POLR3H: variants seen among roughly 807,000 people sequenced by gnomAD.
POLR3H encodes the protein DNA-directed RNA polymerase III subunit RPC8.
POLR3H carries 17 observed loss-of-function variants against 25.5 expected under a neutral mutation model. The observed-to-expected ratio is 0.67, with a 90% CI of 0.46 to 1.00. The LOEUF is 1.00. Ranked by LOEUF, POLR3H falls within the 50% of genes least tolerant of loss-of-function variation. The probability of loss-of-function intolerance (pLI) is 0.00; values close to 1 mark genes in which losing one functional copy is unlikely to be tolerated. For synonymous variants in POLR3H, 129 were observed against 103.0 expected, an observed-to-expected ratio of 1.25 and a Z score of -1.53; for missense variants, 274 against 265.0, an observed-to-expected ratio of 1.03 and a Z score of -0.24.
At chr22:41,529,849 G>A (rs1276312289) in intron 5 of POLR3H, among the ~76,000 whole-genome samples, 4 of 150,960 alleles carry the variant, frequency 2.6e-5, no homozygotes, top group African/African-American at 7.3e-5. Context: ...TCCACCTCCC[G>A]GGTTCACACC....
At chr22:41,536,682 A>G (rs2066853538) in intron 2 of POLR3H, among the ~76,000 whole-genome samples, 1 of 151,654 alleles carries the variant, frequency 6.6e-6, no homozygotes, top group Admixed American at 6.6e-5. Flanking sequence ...TCTGGCCAAC[A>G]TGGCAAAACC....
At position 41,526,997 on chromosome 22, in the gene POLR3H, C is replaced by A. The variant is rs2066612627; in HGVS notation, c.*2286G>T. ...GGCCCGGAGGCCGTCCCTGTCTCAC[C>A]CAACCTCCCTCCACACACACCTGCC... On this transcript the variant is annotated 3_prime_UTR_variant, in exon 6 of 6. Transcript: ENST00000355209. 1 of 499,126 alleles carries A rather than the reference C, an allele frequency of 2.0e-6. No homozygotes were observed. The highest frequency in any genetic ancestry group is 3.6e-6 in the Non-Finnish European group (1 of 279,158). 30.9% of individuals were successfully genotyped at this position (499,126 alleles called of 1,614,324 possible). A position where few individuals can be genotyped will look rare whatever the true frequency, so the allele number is the denominator to read the frequency against.
At chr22:41,543,738 GGTCA>G (rs1569039356) in intron 1 of POLR3H, 7 of 650,274 alleles carry the variant, frequency 1.1e-5, no homozygotes, top group Non-Finnish European at 2.0e-5. Flanking sequence ...GCCCAGAAGG[GGTCA>G]GTAACTTGCC....
intron 3 of POLR3H, 175 bp downstream of exon 3, chr22:41,532,484 T>C: frequency 8.5e-7 from 1 of 1,181,984 alleles, no homozygotes; most frequent in Non-Finnish European, 1.2e-6. Context: ...GAAACCGCAC[T>C]GCTGATGGAG....
Position 41,527,419 on chromosome 22 carries a change from C to T in POLR3H, c.*1864G>A, listed in dbSNP as rs748105763. ...TCACCAAGAGCTTTGCCAGGATCCA[C>T]GGTGAGCTGGAGTCTGTACCCAGGC... On this transcript the variant is annotated 3_prime_UTR_variant, in exon 6 of 6. Coordinates refer to ENST00000355209, the MANE Select transcript of POLR3H (RefSeq NM_001018050.4). 8.9e-5 allele frequency: 144 copies of T among 1,609,470 alleles called. No individual in the cohort carries two copies. The highest frequency in any genetic ancestry group is 1.0e-4 in the Non-Finnish European group (118 of 1,178,438).
chr22:41,528,695 G>C lies in POLR3H; in HGVS notation c.*588C>G, dbSNP rs2066658183. On this transcript the variant is annotated 3_prime_UTR_variant, in exon 6 of 6. Transcript: ENST00000355209. ...AGTGGATCCGATCCGTCCAGCCATG[G>C]CTTCCTATTCCAAGATGGTGTGACC... 6.5e-7 allele frequency: 1 copy of C among 1,539,156 alleles called. No individual in the cohort carries two copies. The highest frequency in any genetic ancestry group is 8.7e-7 in the Non-Finnish European group (1 of 1,144,258).
rs942285984 is a variant in POLR3H, at chr22:41,528,683, C to A, written c.*600G>T. 128 of 1,568,554 alleles carry A rather than the reference C, an allele frequency of 8.2e-5. No homozygotes were observed. The highest frequency in any genetic ancestry group is 1.1e-4 in the Non-Finnish European group (127 of 1,159,670). On this transcript the variant is annotated 3_prime_UTR_variant, in exon 6 of 6. Transcript: ENST00000355209. ...ACGTGTGCCATCAGTGGATCCGATC[C>A]GTCCAGCCATGGCTTCCTATTCCAA...
At position 41,530,828 on chromosome 22, in the gene POLR3H, G is replaced by C; in HGVS notation, c.420C>G (p.Leu140=). ...GGATCTCCTCGCCGGTGTCCATGTA[G>C]AGGTCGTGTGCTCCTTCCTCCGTCT... ...EYETEEGAHD[L]YMDTGEEIRF... Residue 140 remains leucine, a synonymous_variant, in exon 5 of 6, where the codon CTC becomes CTG. Transcript: ENST00000355209. 1 of 1,614,078 alleles carries C rather than the reference G, an allele frequency of 6.2e-7. No individual in the cohort carries two copies.
chr22:41,530,903 G>A lies in POLR3H; in HGVS notation c.360-15C>T, dbSNP rs764982682. 1 of 1,613,014 alleles carries A rather than the reference G, an allele frequency of 6.2e-7. No individual in the cohort carries two copies. The highest frequency in any genetic ancestry group is 8.5e-7 in the Non-Finnish European group (1 of 1,179,748). ...CCGCTTCGTCGCTGAGGGGGTCCAG[G>A]GTCAAGGCAGCAACCAGATAGTGGG... is the stretch of plus-strand genomic sequence containing the variant. On this transcript the variant is annotated splice_polypyrimidine_tract_variant and intron_variant, in intron 4 of 5. Transcript: ENST00000355209.
In POLR3H at chr22:41,528,097, G is replaced by A. The variant is rs551215620; in HGVS notation, c.*1186C>T. The stretch of plus-strand genomic sequence containing the variant: ...TGTTTCCCCTCCTGCACTGGCCCCA[G>A]GGTAGCTTCTCCCAGGAGGCTTCAT... On this transcript the variant is annotated 3_prime_UTR_variant, in exon 6 of 6. Coordinates refer to ENST00000355209, the MANE Select transcript of POLR3H (RefSeq NM_001018050.4). 6.5e-5 allele frequency: 104 copies of A among 1,595,960 alleles called. No homozygotes were observed. The East Asian group carries it at 2.1e-3, about 33-fold the overall frequency.
Position 41,528,798 on chromosome 22 carries a change from GCC to G in POLR3H, c.*483_*484del. 1 of 778,548 alleles carries G rather than the reference GCC, an allele frequency of 1.3e-6. No homozygotes were observed. Among genetic ancestry groups the G allele is most frequent in the African/African-American group, 1.8e-5 (1 of 56,600 alleles). The allele number at this position is 778,548 out of a possible 1,614,324, so 48.2% of individuals were successfully genotyped here. On this transcript the variant is annotated 3_prime_UTR_variant, in exon 6 of 6. Coordinates refer to ENST00000355209, the MANE Select transcript of POLR3H (RefSeq NM_001018050.4). The stretch of plus-strand genomic sequence containing the variant: ...GGGGGGTTCTTAAAATAACTTTTTA[GCC>G]CCCGTCTTCCTATTTTGAGTTTGGT...
chr22:41,542,908 CAGA>C (rs1354832341), intron 1 of POLR3H, among the ~76,000 whole-genome samples: 1 of 152,120 alleles, frequency 6.6e-6, no homozygotes, highest in African/African-American at 2.4e-5. Flanking sequence ...GAGGCTGAAG[CAGA>C]AGAATAGCTT....
chr22:41,538,717 A>G (rs1038989291), intron 2 of POLR3H, among the ~76,000 whole-genome samples: 2 of 152,098 alleles, frequency 1.3e-5, no homozygotes, highest in African/African-American at 4.8e-5. Flanking sequence ...TCACACTGCA[A>G]TCTTATTTCT....
Position 41,526,426 on chromosome 22 carries a change from C to G in POLR3H, c.*2857G>C, listed in dbSNP as rs150391290. 1.2e-6 allele frequency: 2 copies of G among 1,613,390 alleles called. No homozygotes were observed. The highest frequency in any genetic ancestry group is 2.7e-5 in the African/African-American group (2 of 74,950). The stretch of plus-strand genomic sequence containing the variant: ...ATGCCGTCACTCAGGAGTTTGGCCC[C>G]GTCCCTGACACTGCCCGCTACTACA... On this transcript the variant is annotated 3_prime_UTR_variant, in exon 6 of 6. Coordinates refer to ENST00000355209, the MANE Select transcript of POLR3H (RefSeq NM_001018050.4).
rs1255220375 is a variant in POLR3H, at chr22:41,525,859, G to A, written c.*3424C>T. On this transcript the variant is annotated 3_prime_UTR_variant, in exon 6 of 6. Coordinates refer to ENST00000355209, the MANE Select transcript of POLR3H (RefSeq NM_001018050.4). ...GATATTTATTTATGCTGCTTATTAAGGGGTCTCCAGGCACCCCTGTGACAG... is the reference window on the plus strand; with the variant it reads ...GATATTTATTTATGCTGCTTATTAAAGGGTCTCCAGGCACCCCTGTGACAG... 5.0e-6 allele frequency: 1 copy of A among 201,852 alleles called. No individual in the cohort carries two copies. The highest frequency in any genetic ancestry group is 1.0e-5 in the Non-Finnish European group (1 of 100,106). 12.5% of individuals were successfully genotyped at this position (201,852 alleles called of 1,614,324 possible).
intron 2 of POLR3H, chr22:41,533,424 A>G: frequency 2.0e-6 from 2 of 980,084 alleles, no homozygotes; most frequent in South Asian, 3.6e-5. Context: ...GGTTACCAAC[A>G]GAGTTCCCAC....
At chr22:41,533,700 A>C in intron 2 of POLR3H, 1 of 1,304,100 alleles carries the variant, frequency 7.7e-7, no homozygotes, top group Non-Finnish European at 1.0e-6. Context: ...GGGAAGACAC[A>C]AACGTGAGCC....
At chr22:41,532,615 A>G (rs1404121712) in intron 3 of POLR3H, 44 bp downstream of exon 3, 5 of 1,613,530 alleles carry the variant, frequency 3.1e-6, no homozygotes, top group Non-Finnish European at 4.2e-6. Context: ...TCCTGCCCCC[A>G]CAGTGTTCCC....
chr22:41,530,495 CTTT>C (rs2066705720), intron 5 of POLR3H, among the ~76,000 whole-genome samples, 189 bp downstream of exon 5: 1 of 152,202 alleles, frequency 6.6e-6, no homozygotes, highest in African/African-American at 2.4e-5. Flanking sequence ...AGCCATGTAC[CTTT>C]ACTGCCTCAC....
Sources: allele counts gnomAD v4.1 joint callset (sites outside exome capture counted in the v4.1 genomes callset), GRCh38; gene constraint gnomAD v4.1.1; transcripts MANE v1.5; gene names NCBI Gene and HGNC (gene_info 2026-07-23, HGNC 2026-07-21).